The following HS1BP3 variants were observed in gnomAD, a reference collection of about 807,000 sequenced individuals.
HS1BP3 encodes the protein HCLS1-binding protein 3.
In HS1BP3, 32 loss-of-function variants were observed where a neutral mutation model predicts 33.5. The observed-to-expected ratio is 0.95, with a 90% CI of 0.72 to 1.28. HS1BP3 has a LOEUF of 1.28. Among genes scored for constraint, HS1BP3 ranks in the 50% most tolerant of loss-of-function variants. HS1BP3 has a pLI of 0.00. For synonymous variants in HS1BP3, 187 were observed against 209.2 expected (o/e 0.89, Z 0.92); for missense variants, 486 against 502.3 (o/e 0.97, Z 0.31).
At chr2:20,606,470 A>G in intron 2 of HS1BP3, 1 of 481,524 alleles carries the variant, frequency 2.1e-6, no homozygotes, top group Admixed American at 2.3e-5. Context: ...ACAGTTGGGA[A>G]CTTCCTTACA....
At chr2:20,636,797 T>A (rs1695144374) in intron 4 of HS1BP3, 1 of 152,188 alleles carries the variant, frequency 6.6e-6, no homozygotes, top group African/African-American at 2.4e-5. Context: ...TATAATGAGA[T>A]CATGCAAGCA....
intron 4 of HS1BP3, chr2:20,634,954 T>A (rs1695078172): frequency 1.3e-5 from 2 of 149,984 alleles, no homozygotes; most frequent in African/African-American, 5.0e-5. Flanking sequence ...AGCCAGCCTG[T>A]CCCAAGGACG....
the HS1BP3 span, among the ~76,000 whole-genome samples, chr2:20,554,725 A>G: frequency 1.4e-5 from 2 of 146,856 alleles, no homozygotes; most frequent in African/African-American, 5.1e-5. Flanking sequence ...AAAAAAAAGC[A>G]CTCAGACAGG....
chr2:20,624,141 T>C, intron 5 of HS1BP3, 110 bp from the exon 6 acceptor site: 1 of 1,254,870 alleles, frequency 8.0e-7, no homozygotes, highest in South Asian at 1.4e-5. Context: ...CCTACAGGAA[T>C]TGATGCCTCT....
intron 5 of HS1BP3, among the ~76,000 whole-genome samples, chr2:20,587,018 G>C (rs1383788701): frequency 1.3e-5 from 2 of 152,062 alleles, no homozygotes; most frequent in Admixed American, 6.6e-5. Context: ...AAACATTTTG[G>C]CAACACATAT....
the HS1BP3 span, among the ~76,000 whole-genome samples, chr2:20,554,561 A>G: frequency 6.6e-6 from 1 of 152,174 alleles, no homozygotes; most frequent in East Asian, 1.9e-4. Context: ...CGTTTCTACT[A>G]AAACTATAAA....
the HS1BP3 span, among the ~76,000 whole-genome samples, chr2:20,554,870 AC>A: frequency 5.3e-5 from 8 of 151,852 alleles, no homozygotes; most frequent in East Asian, 1.9e-4. Context: ...CCTTGCATCC[AC>A]CCCCTACTTA....
intron 3 of HS1BP3, 141 bp from the exon 4 acceptor site, chr2:20,638,793 G>A: frequency 3.0e-6 from 2 of 658,342 alleles, no homozygotes; most frequent in Non-Finnish European, 2.6e-6. Context: ...CGTCCCTCCT[G>A]GGACCTAAGC....
intron 3 of HS1BP3, among the ~76,000 whole-genome samples, chr2:20,595,451 A>G (rs1693920963): frequency 6.6e-6 from 1 of 152,118 alleles, no homozygotes; most frequent in South Asian, 2.1e-4. Context: ...GCTCTAACAG[A>G]GGCACAGAGG....
chr2:20,597,294 G>T (rs1693964071), intron 3 of HS1BP3, among the ~76,000 whole-genome samples: 1 of 152,206 alleles, frequency 6.6e-6, no homozygotes, highest in African/African-American at 2.4e-5. Flanking sequence ...TCCCCTGGCA[G>T]CCTTGGACTA....
At chr2:20,601,928 G>A (rs539713201) in intron 2 of HS1BP3, among the ~76,000 whole-genome samples, 1 of 151,658 alleles carries the variant, frequency 6.6e-6, no homozygotes, top group South Asian at 2.1e-4. Context: ...GATTTTATCA[G>A]GGCAGTTGGG....
At chr2:20,617,281 G>A (rs1395574558), downstream of HS1BP3, among the ~76,000 whole-genome samples, 2 of 152,208 alleles carry the variant, frequency 1.3e-5, no homozygotes, top group South Asian at 2.1e-4. Flanking sequence ...GCAGGGCCCG[G>A]GGCTGAGTGC....
At chr2:20,594,260 G>T (rs983781305) in intron 3 of HS1BP3, among the ~76,000 whole-genome samples, 33 of 152,232 alleles carry the variant, frequency 2.2e-4, no homozygotes, top group Non-Finnish European at 3.8e-4. Flanking sequence ...GTGTGCTAAG[G>T]CTGGGTTAGA....
chr2:20,591,753 G>A (rs576346432), downstream of HS1BP3, among the ~76,000 whole-genome samples: 1 of 152,094 alleles, frequency 6.6e-6, no homozygotes, highest in Non-Finnish European at 1.5e-5. Flanking sequence ...TAGTAGAGAC[G>A]TGGTTTCATC....
intron 2 of HS1BP3, among the ~76,000 whole-genome samples, chr2:20,644,311 G>A (rs534124256): frequency 6.4e-4 from 98 of 152,240 alleles, no homozygotes; most frequent in Middle Eastern, 3.4e-3. Flanking sequence ...CTCCCCAAGA[G>A]TCCCTGAACC....
chr2:20,636,379 G>T (rs1389465850), intron 4 of HS1BP3: 1 of 152,336 alleles, frequency 6.6e-6, no homozygotes, highest in Non-Finnish European at 1.5e-5. Flanking sequence ...GGATAATCCT[G>T]GGGCCCTGCC....
intron 2 of HS1BP3, among the ~76,000 whole-genome samples, chr2:20,598,627 C>A (rs1162834180): frequency 3.1e-5 from 4 of 130,442 alleles, no homozygotes; most frequent in Non-Finnish European, 6.2e-5. Flanking sequence ...GGCGGGATCT[C>A]GGCTCACTGC....
intron 4 of HS1BP3, among the ~76,000 whole-genome samples, chr2:20,632,236 G>A (rs981536516): frequency 6.6e-6 from 1 of 152,216 alleles, no homozygotes; most frequent in African/African-American, 2.4e-5. Flanking sequence ...GCAGGTGATG[G>A]TGGCCGACAC....
intron 4 of HS1BP3, chr2:20,637,759 T>G (rs893286330): frequency 6.6e-6 from 1 of 152,470 alleles, no homozygotes; most frequent in African/African-American, 2.4e-5. Context: ...GCCCGAGGGC[T>G]TTGGTAAACG....
Sources: gnomAD v4.1 joint callset for allele counts (sites outside exome capture counted in the v4.1 genomes callset) on GRCh38, gnomAD v4.1.1 for gene constraint, MANE v1.5 for transcripts, NCBI Gene and HGNC (gene_info 2026-07-23, HGNC 2026-07-21) for gene names.